Variants in SYT9 observed in about 807,000 individuals in gnomAD.
The protein encoded by SYT9 is synaptotagmin-9.
In SYT9, 22 loss-of-function variants were observed where a neutral mutation model predicts 48.4. The ratio of observed to expected loss-of-function variants is 0.45; its 90% CI spans 0.32 to 0.65. The LOEUF is 0.65. SYT9 is among the 30% of genes least tolerant of loss of function. SYT9 has a pLI of 0.03. For missense variants in SYT9, 577 were observed against 622.0 expected (o/e 0.93, Z 0.77); for synonymous variants, 265 against 245.0 (o/e 1.08, Z -0.76).
intron 1 of SYT9, among the ~76,000 whole-genome samples, chr11:7,277,023 C>G (rs1848409626): frequency 6.6e-6 from 1 of 152,082 alleles, no homozygotes; most frequent in African/African-American, 2.4e-5. Flanking sequence ...CACTGCACTC[C>G]AGCCCAGGTG....
intron 3 of SYT9, among the ~76,000 whole-genome samples, chr11:7,346,847 T>C (rs1849809225): frequency 6.6e-6 from 1 of 152,230 alleles, no homozygotes; most frequent in Non-Finnish European, 1.5e-5. Flanking sequence ...CTGTTAAAGT[T>C]TGATATATCT....
In SYT9 at chr11:7,468,867, A is replaced by C. The variant is rs1019356863; in HGVS notation, c.*2067A>C. 6.6e-6 allele frequency: 1 copy of C among 152,308 alleles called. No individual in the cohort carries two copies. The highest frequency in any genetic ancestry group is 2.4e-5 in the African/African-American group (1 of 41,460). The allele number at this position is 152,308 out of a possible 1,614,324, so 9.4% of individuals were successfully genotyped here. Reference sequence around the variant, plus strand: ...TAGGGGCAAGCAGGCAAAGAGTACTATCCACATGGCAGGCAGGTGGCTTTG... The same window carrying C: ...TAGGGGCAAGCAGGCAAAGAGTACTCTCCACATGGCAGGCAGGTGGCTTTG... On this transcript the variant is annotated 3_prime_UTR_variant, in exon 7 of 7. Coordinates refer to ENST00000318881, the MANE Select transcript of SYT9 (RefSeq NM_175733.4).
intron 3 of SYT9, among the ~76,000 whole-genome samples, chr11:7,348,258 C>A (rs570250422): frequency 2.0e-5 from 3 of 152,286 alleles, no homozygotes; most frequent in African/African-American, 7.2e-5. Flanking sequence ...ACTCTACCCC[C>A]CTCCTCAGTC....
At position 7,243,071 on chromosome 11, in the gene SYT9, T is replaced by TAAATAAATAA. The variant is rs528022019; in HGVS notation, c.49+4158_49+4159insTAAATAAAAA. Among the ~76,000 whole-genome samples the TAAATAAATAA allele has an allele frequency of 1.6e-3, 244 of 151,112 alleles. 3 individuals are homozygous for TAAATAAATAA. The highest frequency in any genetic ancestry group is 5.2e-3 in the Admixed American group (79 of 15,204). The stretch of plus-strand genomic sequence containing the variant: ...CAATAAATAAATAAATAAATAAATA[T>TAAATAAATAA]AAAGTATTACCAATATGAACAGGAT... On this transcript the variant is annotated intron_variant and NMD_transcript_variant, in intron 1 of 8. Transcript: ENST00000524820.
At chr11:7,300,426 A>G (rs1345232738) in intron 1 of SYT9, among the ~76,000 whole-genome samples, 3 of 152,240 alleles carry the variant, frequency 2.0e-5, no homozygotes, top group Non-Finnish European at 4.4e-5. Context: ...AGAGCAAGTC[A>G]TATGCCCAAG....
chr11:7,254,299 A>C (rs1847926260), intron 1 of SYT9, among the ~76,000 whole-genome samples: 1 of 152,202 alleles, frequency 6.6e-6, no homozygotes, highest in South Asian at 2.1e-4. Context: ...GTTGGAAAGT[A>C]GCCAGCTCAT....
chr11:7,255,391 CTT>C (rs1847949971), intron 1 of SYT9, among the ~76,000 whole-genome samples: 1 of 152,008 alleles, frequency 6.6e-6, no homozygotes, highest in Non-Finnish European at 1.5e-5. Flanking sequence ...ATTATAAAGA[CTT>C]TGGTTTTTAC....
intron 1 of SYT9, among the ~76,000 whole-genome samples, chr11:7,297,662 A>T (rs1247206208): frequency 1.3e-5 from 2 of 152,196 alleles, no homozygotes; most frequent in Non-Finnish European, 2.9e-5. Flanking sequence ...TTTCTCATGT[A>T]CACTGTGTTT....
intron 1 of SYT9, among the ~76,000 whole-genome samples, chr11:7,292,336 C>T (rs1456435280): frequency 6.6e-6 from 1 of 152,134 alleles, no homozygotes; most frequent in Non-Finnish European, 1.5e-5. Flanking sequence ...TACAGTAGTG[C>T]CAAGCTTAAA....
intron 1 of SYT9, among the ~76,000 whole-genome samples, chr11:7,240,885 G>A (rs566327223): frequency 6.6e-6 from 1 of 151,936 alleles, no homozygotes; most frequent in Non-Finnish European, 1.5e-5. Context: ...AACTTGATGG[G>A]TTTTCCTTCC....
At chr11:7,278,689 G>T (rs907331542) in intron 1 of SYT9, among the ~76,000 whole-genome samples, 1 of 152,100 alleles carries the variant, frequency 6.6e-6, no homozygotes, top group Admixed American at 6.5e-5. Context: ...ATAAAACTAG[G>T]TATAGTTTTA....
intron 1 of SYT9, among the ~76,000 whole-genome samples, chr11:7,276,838 G>A (rs1176463922): frequency 6.6e-6 from 1 of 151,986 alleles, no homozygotes; most frequent in Non-Finnish European, 1.5e-5. Context: ...ACGAGGTCAG[G>A]TGTTCGAGAC....
chr11:7,348,464 C>G (rs10839768), intron 3 of SYT9, among the ~76,000 whole-genome samples: 36,979 of 152,030 alleles, frequency 0.24, 5,038 homozygotes, highest in Non-Finnish European at 0.31. Context: ...ACAGTAAGAT[C>G]TGTAATCCTG....
intron 1 of SYT9, among the ~76,000 whole-genome samples, chr11:7,287,243 G>T (rs772663939): frequency 2.0e-5 from 3 of 152,144 alleles, no homozygotes; most frequent in Non-Finnish European, 4.4e-5. Context: ...GGGGGGAAAA[G>T]CCCCTTATAA....
chr11:7,355,022 A>G (rs1421803216), intron 3 of SYT9, among the ~76,000 whole-genome samples: 3 of 152,212 alleles, frequency 2.0e-5, no homozygotes, highest in African/African-American at 7.2e-5. Flanking sequence ...AGTACCTGTA[A>G]TAGAGAAGGG....
At chr11:7,267,627 TA>T (rs1176392710) in intron 1 of SYT9, among the ~76,000 whole-genome samples, 1 of 147,128 alleles carries the variant, frequency 6.8e-6, no homozygotes, top group East Asian at 2.0e-4. Flanking sequence ...TAATAGCAAA[TA>T]AATACAGCAA....
chr11:7,268,338 T>C (rs1848229595), intron 1 of SYT9, among the ~76,000 whole-genome samples: 1 of 151,964 alleles, frequency 6.6e-6, no homozygotes. Flanking sequence ...GGTTTAACAA[T>C]TCATATACTG....
At chr11:7,347,893 A>G (rs1849832860) in intron 3 of SYT9, among the ~76,000 whole-genome samples, 1 of 152,150 alleles carries the variant, frequency 6.6e-6, no homozygotes, top group Non-Finnish European at 1.5e-5. Context: ...TGAAGGAGGA[A>G]ACCACAGGCT....
chr11:7,417,894 A>T, intron 4 of SYT9, 63 bp from the exon 5 acceptor site: 2 of 1,547,730 alleles, frequency 1.3e-6, no homozygotes, highest in Non-Finnish European at 1.8e-6. Context: ...TCACAGTGAT[A>T]TAACTGCCCA....
Sources: allele counts gnomAD v4.1 joint callset (sites outside exome capture counted in the v4.1 genomes callset), GRCh38; gene constraint gnomAD v4.1.1; transcripts MANE v1.5; gene names NCBI Gene and HGNC (gene_info 2026-07-23, HGNC 2026-07-21).